Variants in ADAMTSL1 observed in about 807,000 individuals in gnomAD.
The protein encoded by ADAMTSL1 is ADAMTS-like protein 1.
ADAMTSL1 carries 126 observed loss-of-function variants against 201.8 expected under a neutral mutation model. The observed-to-expected ratio is 0.62, with a 90% confidence interval of 0.54 to 0.72. The LOEUF is 0.72. Ranked by LOEUF, ADAMTSL1 falls within the 30% of genes least tolerant of loss-of-function variation. The probability of loss-of-function intolerance (pLI) is 0.00; values close to 1 mark genes in which losing one functional copy is unlikely to be tolerated. For synonymous variants in ADAMTSL1, 1,121 were observed against 903.4 expected (o/e 1.24, Z -4.32); for missense variants, 2,679 against 2,277.8 (o/e 1.18, Z -3.59).
chr9:17,998,837 A>T (rs766721883), intron 1 of ADAMTSL1, among the ~76,000 whole-genome samples: 1 of 151,992 alleles, frequency 6.6e-6, no homozygotes, highest in African/African-American at 2.4e-5. Flanking sequence ...TATCTCCTGG[A>T]TGCCTAGAAT....
chr9:18,785,299 A>G (rs750711083), intron 19 of ADAMTSL1, among the ~76,000 whole-genome samples: 1 of 152,230 alleles, frequency 6.6e-6, no homozygotes. Context: ...ACTGGGGTCA[A>G]CTAGACCCAG....
At chr9:18,655,819 A>AATAAAATAAAAAAAAAAT (rs1828612777) in intron 7 of ADAMTSL1, among the ~76,000 whole-genome samples, 2 of 101,044 alleles carry the variant, frequency 2.0e-5, no homozygotes, top group African/African-American at 3.0e-5. Flanking sequence ...AAAAAAAAAA[A>AATAAAATAAAAAAAAAAT]AAAAAAAAAA....
At chr9:18,780,137 C>G (rs1821301304) in intron 19 of ADAMTSL1, among the ~76,000 whole-genome samples, 1 of 152,082 alleles carries the variant, frequency 6.6e-6, no homozygotes, top group African/African-American at 2.4e-5. Flanking sequence ...AATCCAAGGC[C>G]CATGGCCCAT....
At chr9:18,169,475 A>G (rs1002123686) in intron 2 of ADAMTSL1, among the ~76,000 whole-genome samples, 27 of 152,136 alleles carry the variant, frequency 1.8e-4, no homozygotes, top group Admixed American at 2.6e-4. Flanking sequence ...GTTGTGTTCC[A>G]TTGATCTATA....
At chr9:18,870,581 G>A (rs910156129) in intron 23 of ADAMTSL1, among the ~76,000 whole-genome samples, 1 of 151,868 alleles carries the variant, frequency 6.6e-6, no homozygotes, top group African/African-American at 2.4e-5. Context: ...AAACTTACAT[G>A]CTGTCTTAAC....
intron 1 of ADAMTSL1, among the ~76,000 whole-genome samples, chr9:17,965,732 G>A (rs1049880316): frequency 2.6e-5 from 4 of 152,076 alleles, no homozygotes; most frequent in Non-Finnish European, 5.9e-5. Context: ...CTGTGAGCTG[G>A]AGGCCCCAAG....
chr9:18,473,400 G>A (rs749631285), upstream of ADAMTSL1, among the ~76,000 whole-genome samples: 1 of 152,144 alleles, frequency 6.6e-6, no homozygotes, highest in Non-Finnish European at 1.5e-5. Context: ...GGGGATCTAA[G>A]TTTCTAATTG....
At chr9:17,915,603 A>G (rs575151727) in intron 1 of ADAMTSL1, among the ~76,000 whole-genome samples, 2 of 152,238 alleles carry the variant, frequency 1.3e-5, no homozygotes, top group African/African-American at 4.8e-5. Flanking sequence ...GCTGAATAAT[A>G]TAGTAGGTGT....
At chr9:17,917,176 T>A (rs930698763) in intron 1 of ADAMTSL1, among the ~76,000 whole-genome samples, 2 of 152,148 alleles carry the variant, frequency 1.3e-5, no homozygotes, top group Non-Finnish European at 2.9e-5. Context: ...TCCATCAGAT[T>A]TTCCACATAA....
chr9:18,795,637 T>G (rs1357915585), intron 20 of ADAMTSL1, 113 bp downstream of exon 20: 1 of 1,175,022 alleles, frequency 8.5e-7, no homozygotes, highest in South Asian at 1.6e-5. Context: ...GATCCCATCT[T>G]CAGGGAGTTT....
At chr9:18,654,207 T>A (rs1208938987) in intron 7 of ADAMTSL1, among the ~76,000 whole-genome samples, 1 of 152,186 alleles carries the variant, frequency 6.6e-6, no homozygotes, top group Non-Finnish European at 1.5e-5. Context: ...CCACCCTGGG[T>A]GACAGAGTGA....
At chr9:18,627,328 A>G (rs1308593740) in intron 5 of ADAMTSL1, among the ~76,000 whole-genome samples, 2 of 152,192 alleles carry the variant, frequency 1.3e-5, no homozygotes, top group African/African-American at 4.8e-5. Context: ...GTGGTATTTC[A>G]TACTTGTTTT....
At chr9:18,341,901 A>T (rs947612067) in intron 2 of ADAMTSL1, among the ~76,000 whole-genome samples, 2 of 152,150 alleles carry the variant, frequency 1.3e-5, no homozygotes, top group African/African-American at 2.4e-5. Context: ...GAAAAACAAC[A>T]TCTATAGGCT....
intron 4 of ADAMTSL1, among the ~76,000 whole-genome samples, chr9:18,582,547 T>G (rs1284380904): frequency 1.3e-5 from 2 of 151,964 alleles, no homozygotes; most frequent in Non-Finnish European, 2.9e-5. Context: ...GATCTGATGG[T>G]TTTGAAAAGG....
chr9:18,093,640 A>G (rs972986860), intron 1 of ADAMTSL1, among the ~76,000 whole-genome samples: 4 of 152,214 alleles, frequency 2.6e-5, no homozygotes, highest in African/African-American at 9.6e-5. Flanking sequence ...TAACAAATGT[A>G]ACTATAAAAA....
intron 1 of ADAMTSL1, among the ~76,000 whole-genome samples, chr9:18,076,086 C>A (rs1309121330): frequency 6.6e-6 from 1 of 152,184 alleles, no homozygotes. Flanking sequence ...TGTTTGGTTT[C>A]TCTAAACAAT....
At chr9:18,442,579 A>G (rs1238520059) in intron 2 of ADAMTSL1, among the ~76,000 whole-genome samples, 2 of 152,118 alleles carry the variant, frequency 1.3e-5, no homozygotes, top group African/African-American at 2.4e-5. Flanking sequence ...TTAGTTGTAT[A>G]TTTCTTTAAT....
At chr9:18,045,312 A>C (rs1404942294) in intron 1 of ADAMTSL1, among the ~76,000 whole-genome samples, 1 of 148,950 alleles carries the variant, frequency 6.7e-6, no homozygotes, top group Non-Finnish European at 1.5e-5. Flanking sequence ...TTGGTTATTC[A>C]ACTACTATTC....
chr9:18,140,755 C>A (rs543944777), intron 1 of ADAMTSL1, among the ~76,000 whole-genome samples: 2 of 152,160 alleles, frequency 1.3e-5, no homozygotes, highest in Middle Eastern at 3.2e-3. Context: ...AGTGAGCAGG[C>A]CTTTCAAAGG....
Sources: allele counts gnomAD v4.1 joint callset (sites outside exome capture counted in the v4.1 genomes callset), GRCh38; gene constraint gnomAD v4.1.1; transcripts MANE v1.5; gene names NCBI Gene and HGNC (gene_info 2026-07-23, HGNC 2026-07-21).